RASGEF1B: variants seen among roughly 807,000 people sequenced by gnomAD.
RASGEF1B encodes the protein ras-GEF domain-containing family member 1B.
In RASGEF1B, 30 loss-of-function variants were observed where a neutral mutation model predicts 65.7. The ratio of observed to expected loss-of-function variants is 0.46; its 90% confidence interval spans 0.34 to 0.62. The LOEUF (loss-of-function observed/expected upper bound fraction) is 0.62, where lower values mean the gene tolerates loss of function less well. RASGEF1B is among the 20% of genes least tolerant of loss of function. The pLI, the probability that RASGEF1B is intolerant of heterozygous loss-of-function variation, is 0.01. For synonymous variants in RASGEF1B, 175 were observed against 194.8 expected, an observed-to-expected ratio of 0.90 and a Z score of 0.85; for missense variants, 495 against 580.1, an observed-to-expected ratio of 0.85 and a Z score of 1.51.
At chr4:81,438,660 C>T (rs761625534) in intron 10 of RASGEF1B, among the ~76,000 whole-genome samples, 5 of 152,084 alleles carry the variant, frequency 3.3e-5, no homozygotes, top group Non-Finnish European at 5.9e-5. Context: ...CCTATCAACC[C>T]GTCATCTAGG....
chr4:81,459,321 T>C lies in RASGEF1B; in HGVS notation c.177+11A>G, dbSNP rs143786421. ...GCCAAGGATGTGTTTCAGAGAAACA[T>C]GAATACCTACATCTGGATAGTAATC... On this transcript the variant is annotated intron_variant, in intron 2 of 13. Transcript: ENST00000264400. The C allele has an allele frequency of 0.024, 38,249 of 1,563,612 alleles. 599 individuals carry two copies. The highest frequency in any genetic ancestry group is 0.028 in the Non-Finnish European group (32,073 of 1,156,804).
At position 81,426,595 on chromosome 4, in the gene RASGEF1B, GTAAA is replaced by G. The variant is rs1481642295; in HGVS notation, c.*1169_*1172del. 7.9e-5 allele frequency: 12 copies of G among 152,146 alleles called. No individual in the cohort carries two copies. Among genetic ancestry groups the G allele is most frequent in the African/African-American group, 2.9e-4 (12 of 41,420 alleles). The allele number at this position is 152,146 out of a possible 1,614,324, so 9.4% of individuals were successfully genotyped here. A position where few individuals can be genotyped will look rare whatever the true frequency, so the allele number is the denominator to read the frequency against. ...TTACTACTCTACAGTTTCTTCTAGA[GTAAA>G]TAAATATAATGGCTGTTTGCAGAGC... On this transcript the variant is annotated 3_prime_UTR_variant, in exon 14 of 14. Coordinates refer to ENST00000264400, the MANE Select transcript of RASGEF1B (RefSeq NM_152545.3).
intron 4 of RASGEF1B, chr4:81,456,211 G>A: frequency 2.4e-6 from 1 of 422,806 alleles, no homozygotes; most frequent in Non-Finnish European, 4.2e-6. Context: ...GGCCCAGAAT[G>A]TCTATTTCTA....
chr4:81,456,573 G>A (rs759470554), intron 4 of RASGEF1B, 78 bp downstream of exon 4: 51 of 1,470,262 alleles, frequency 3.5e-5, no homozygotes, highest in Non-Finnish European at 4.6e-5. Flanking sequence ...TGGAGATTAG[G>A]ATGCATAATT....
At chr4:81,467,075 T>C (rs1722865807) in intron 1 of RASGEF1B, among the ~76,000 whole-genome samples, 2 of 152,050 alleles carry the variant, frequency 1.3e-5, no homozygotes, top group African/African-American at 2.4e-5. Flanking sequence ...GTACCTTCTT[T>C]GAAAGTGAGT....
intron 12 of RASGEF1B, among the ~76,000 whole-genome samples, chr4:81,433,086 A>G (rs1043922480): frequency 1.3e-5 from 2 of 151,700 alleles, no homozygotes; most frequent in African/African-American, 4.8e-5. Context: ...AAAATTAATC[A>G]GGCATGGTGG....
At position 81,440,982 on chromosome 4, in the gene RASGEF1B, T is replaced by C. The variant is rs1040454552; in HGVS notation, c.1009-53A>G. On this transcript the variant is annotated intron_variant, in intron 9 of 13. Transcript: ENST00000264400. Reference sequence around the variant, plus strand: ...ACTATTTATTTATTGTAAACTTCTGTAGGAAGTTTATAAGATCACATATTT... The same window carrying C: ...ACTATTTATTTATTGTAAACTTCTGCAGGAAGTTTATAAGATCACATATTT... The C allele has an allele frequency of 5.8e-6, 7 of 1,213,930 alleles. No individual in the cohort carries two copies. The Admixed American group carries it at 1.1e-4, about 19-fold the overall frequency. 75.2% of individuals were successfully genotyped at this position (1,213,930 alleles called of 1,614,324 possible). A position where few individuals can be genotyped will look rare whatever the true frequency, so the allele number is the denominator to read the frequency against.
At chr4:81,457,226 G>C (rs927911866) in intron 3 of RASGEF1B, among the ~76,000 whole-genome samples, 2 of 152,224 alleles carry the variant, frequency 1.3e-5, no homozygotes, top group Non-Finnish European at 2.9e-5. Context: ...ACGTTGGCCA[G>C]GCTGGTCTCA....
intron 8 of RASGEF1B, among the ~76,000 whole-genome samples, chr4:81,443,595 C>T (rs931983569): frequency 2.0e-5 from 3 of 152,174 alleles, no homozygotes; most frequent in Non-Finnish European, 2.9e-5. Context: ...ATCCATGTTA[C>T]TTATATGTAT....
In RASGEF1B at chr4:81,445,454, T is replaced by C. The variant is rs1721983088; in HGVS notation, c.928+72A>G. ...TCTGTACTAACAAAACCATACTATTTGCACATTTTCTGTGGGTCATTTTAC... is the reference window on the plus strand; with the variant it reads ...TCTGTACTAACAAAACCATACTATTCGCACATTTTCTGTGGGTCATTTTAC... On this transcript the variant is annotated intron_variant, in intron 8 of 13. Transcript: ENST00000264400. The C allele has an allele frequency of 1.4e-5, 15 of 1,062,186 alleles. No individual in the cohort carries two copies. In the South Asian group the frequency reaches 1.6e-4, roughly 11 times the overall value. 65.8% of individuals were successfully genotyped at this position (1,062,186 alleles called of 1,614,324 possible).
At chr4:81,433,807 A>G (rs966365635) in intron 12 of RASGEF1B, 33 bp downstream of exon 12, 2 of 1,607,378 alleles carry the variant, frequency 1.2e-6, no homozygotes. Flanking sequence ...GGATTTGGGG[A>G]TGCTAGTGGT....
At chr4:81,435,687 G>A (rs1007355119) in intron 10 of RASGEF1B, among the ~76,000 whole-genome samples, 10 of 149,408 alleles carry the variant, frequency 6.7e-5, no homozygotes, top group Admixed American at 6.6e-4. Context: ...GTGTTAGCCA[G>A]GATGGTCTCG....
intron 4 of RASGEF1B, chr4:81,453,172 G>A (rs1462859885): frequency 6.6e-6 from 1 of 152,100 alleles, no homozygotes; most frequent in East Asian, 1.9e-4. Flanking sequence ...TAGGTGCCAG[G>A]TACTGAGCTA....
chr4:81,442,352 G>A lies in RASGEF1B; in HGVS notation c.953C>T (p.Ser318Phe). The A allele has an allele frequency of 6.2e-7, 1 of 1,612,532 alleles. No individual in the cohort carries two copies. The change falls in exon 9 of 14, where the codon TCT becomes TTT. Residue 318 changes from serine (S) to phenylalanine (F), a missense_variant. Physicochemically the swap from Ser to Phe is radical, Grantham distance 155 (BLOSUM62 -2). Transcript: ENST00000264400. ...TTTGGCCCAAGTTTTTTTTAGTCGA[G>A]AGACTGGGCTCATATTCATACCAGC... is the stretch of plus-strand genomic sequence containing the variant. ...IISGMNMSPV[S>F]RLKKTWAKVK... is the part of the protein sequence containing the mutation.
intron 1 of RASGEF1B, among the ~76,000 whole-genome samples, chr4:81,464,999 G>A (rs537350318): frequency 3.3e-5 from 5 of 151,610 alleles, no homozygotes; most frequent in South Asian, 2.1e-4. Context: ...CGGGAGAATC[G>A]CTTGACCCTG....
chr4:81,450,294 G>A (rs1197654621), intron 4 of RASGEF1B, among the ~76,000 whole-genome samples: 1 of 152,090 alleles, frequency 6.6e-6, no homozygotes, highest in Non-Finnish European at 1.5e-5. Context: ...GAGGCAAGAG[G>A]ATCCCTTGAG....
At chr4:81,442,834 T>G (rs549923616) in intron 8 of RASGEF1B, among the ~76,000 whole-genome samples, 1 of 152,384 alleles carries the variant, frequency 6.6e-6, no homozygotes, top group Middle Eastern at 3.4e-3. Flanking sequence ...TTTTTTTCAA[T>G]CATTTAAAAA....
At chr4:81,440,996 G>T in intron 9 of RASGEF1B, 67 bp from the exon 10 acceptor site, 2 of 1,081,418 alleles carry the variant, frequency 1.8e-6, no homozygotes, top group Non-Finnish European at 2.8e-6. Context: ...AAGTTTATAA[G>T]ATCACATATT....
At chr4:81,447,129 T>C (rs1186412899) in intron 6 of RASGEF1B, among the ~76,000 whole-genome samples, 2 of 152,222 alleles carry the variant, frequency 1.3e-5, no homozygotes. Context: ...CTGTCTTTCC[T>C]GCCCCTGCTA....
Sources: allele counts gnomAD v4.1 joint callset (sites outside exome capture counted in the v4.1 genomes callset), GRCh38; gene constraint gnomAD v4.1.1; transcripts MANE v1.5; gene names NCBI Gene and HGNC (gene_info 2026-07-23, HGNC 2026-07-21).